WIPF3: variants seen among roughly 807,000 people sequenced by gnomAD.
The protein encoded by WIPF3 is WAS/WASL interacting protein family member 3, also known as WAS/WASL-interacting protein family member 3.
WIPF3 carries 33 observed loss-of-function variants against 38.9 expected under a neutral mutation model. That is an observed-to-expected ratio of 0.85 (90% confidence interval 0.64 to 1.14). WIPF3 has a LOEUF of 1.14. Ranked by LOEUF, WIPF3 falls within the 50% of genes most tolerant of loss-of-function variation. WIPF3 has a pLI of 0.00. For synonymous variants in WIPF3, 324 were observed against 269.3 expected (o/e 1.20, Z -1.99); for missense variants, 711 against 652.5 (o/e 1.09, Z -0.98).
intron 8 of WIPF3, among the ~76,000 whole-genome samples, 165 bp from the exon 9 acceptor site, chr7:29,914,328 C>G (rs1019212716): frequency 6.6e-6 from 1 of 152,174 alleles, no homozygotes; most frequent in Middle Eastern, 3.2e-3. Flanking sequence ...CCCACAGCCC[C>G]TTGGGTAAAA....
chr7:29,877,457 G>A (rs895665190), intron 3 of WIPF3, among the ~76,000 whole-genome samples: 2 of 152,170 alleles, frequency 1.3e-5, no homozygotes, highest in East Asian at 3.8e-4. Flanking sequence ...CAGCTGATCC[G>A]GGTATTCTGG....
At chr7:29,896,276 C>A (rs1350799958) in intron 7 of WIPF3, among the ~76,000 whole-genome samples, 4 of 15,648 alleles carry the variant, frequency 2.6e-4, no homozygotes, top group African/African-American at 4.9e-4. Context: ...GCCTGGGCAA[C>A]AGTGAGATCC....
At chr7:29,830,819 C>A (rs940573495) in intron 1 of WIPF3, among the ~76,000 whole-genome samples, 2 of 152,122 alleles carry the variant, frequency 1.3e-5, no homozygotes, top group African/African-American at 4.8e-5. Flanking sequence ...TCTTAGAAGT[C>A]CCCAGTGCAG....
At chr7:29,843,663 C>T (rs1248656503) in intron 2 of WIPF3, among the ~76,000 whole-genome samples, 3 of 152,200 alleles carry the variant, frequency 2.0e-5, no homozygotes, top group Non-Finnish European at 4.4e-5. Context: ...AACCTTTCCT[C>T]CCTCCACCAG....
At chr7:29,845,989 T>C (rs563858688) in intron 2 of WIPF3, among the ~76,000 whole-genome samples, 1 of 152,318 alleles carries the variant, frequency 6.6e-6, no homozygotes, top group East Asian at 1.9e-4. Flanking sequence ...ACCATCAACA[T>C]TGGACCTGGC....
intron 1 of WIPF3, among the ~76,000 whole-genome samples, chr7:29,831,772 A>G (rs771843270): frequency 1.3e-5 from 2 of 152,174 alleles, no homozygotes; most frequent in Non-Finnish European, 2.9e-5. Context: ...GCTACAGTCA[A>G]TGGGCGGGGA....
At chr7:29,814,025 A>T (rs1277098630) in intron 1 of WIPF3, among the ~76,000 whole-genome samples, 1 of 151,598 alleles carries the variant, frequency 6.6e-6, no homozygotes, top group Non-Finnish European at 1.5e-5. Flanking sequence ...GGCACAGGTG[A>T]TCCTCCTGCC....
At chr7:29,859,418 C>T (rs1250825612) in intron 2 of WIPF3, among the ~76,000 whole-genome samples, 5 of 152,182 alleles carry the variant, frequency 3.3e-5, no homozygotes, top group Non-Finnish European at 7.3e-5. Flanking sequence ...GAGAGCCTTT[C>T]TGTTCTCTAC....
Position 29,884,208 on chromosome 7 carries a change from C to T in WIPF3, c.714C>T (p.Pro238=). ...PPPPPTPPPL[P]PASVLSDKAV... ...CTCCCCCAACGCCACCCCCGCTGCC[C>T]CCGGCCTCGGTTCTTAGTGACAAGG... The change falls in exon 5 of 9, where the codon CCC becomes CCT. Residue 238 remains proline (P), a synonymous_variant. Transcript: ENST00000242140. The T allele has an allele frequency of 6.5e-7, 1 of 1,529,264 alleles. No homozygotes were observed. The highest frequency in any genetic ancestry group is 1.4e-5 in the African/African-American group (1 of 71,592). The allele number at this position is 1,529,264 out of a possible 1,614,324, so 94.7% of individuals were successfully genotyped here.
At chr7:29,839,487 C>T (rs1271298486) in intron 2 of WIPF3, among the ~76,000 whole-genome samples, 1 of 152,174 alleles carries the variant, frequency 6.6e-6, no homozygotes. Flanking sequence ...GGAATGACCT[C>T]CTATCACAAG....
Position 29,873,447 on chromosome 7 carries a change from C to A in WIPF3, c.91-2383C>A, listed in dbSNP as rs1373730906. Among the ~76,000 whole-genome samples the A allele has an allele frequency of 5.3e-5, 8 of 152,134 alleles. No individual in the cohort carries two copies. In the East Asian group the frequency reaches 1.2e-3, roughly 22 times the overall value. On this transcript the variant is annotated intron_variant, in intron 2 of 8. Coordinates refer to ENST00000242140, the MANE Select transcript of WIPF3 (RefSeq NM_001080529.3). Reference sequence around the variant, plus strand: ...CCAAATTCACACAAAAATTTTCATACCCTCTTAGCTACAGTTGTGATATTT... The same window carrying A: ...CCAAATTCACACAAAAATTTTCATAACCTCTTAGCTACAGTTGTGATATTT...
intron 2 of WIPF3, among the ~76,000 whole-genome samples, chr7:29,872,301 G>T (rs1002213082): frequency 6.6e-6 from 1 of 152,166 alleles, no homozygotes; most frequent in African/African-American, 2.4e-5. Flanking sequence ...GCAAATTATG[G>T]TTGAATTGTT....
chr7:29,881,137 T>G (rs1447679175), intron 4 of WIPF3, among the ~76,000 whole-genome samples: 1 of 152,226 alleles, frequency 6.6e-6, no homozygotes, highest in Non-Finnish European at 1.5e-5. Context: ...AAAGTGTCCG[T>G]GAGGTCTTCA....
chr7:29,811,269 G>A (rs932600544), intron 1 of WIPF3, among the ~76,000 whole-genome samples: 3 of 151,844 alleles, frequency 2.0e-5, no homozygotes, highest in African/African-American at 4.8e-5. Flanking sequence ...TGATGATGAT[G>A]ATGATGATGA....
chr7:29,807,455 G>A (rs1784300562), intron 1 of WIPF3, among the ~76,000 whole-genome samples: 1 of 152,216 alleles, frequency 6.6e-6, no homozygotes, highest in African/African-American at 2.4e-5. Flanking sequence ...AAGGTGGCGG[G>A]GAGGGCGGGC....
chr7:29,875,632 TAA>T (rs1785575808), intron 2 of WIPF3, among the ~76,000 whole-genome samples, 196 bp from the exon 3 acceptor site: 1 of 151,998 alleles, frequency 6.6e-6, no homozygotes, highest in South Asian at 2.1e-4. Context: ...TCATCTAAAA[TAA>T]AGAGTCCCTT....
intron 4 of WIPF3, among the ~76,000 whole-genome samples, chr7:29,880,526 G>A (rs189170179): frequency 2.6e-5 from 4 of 152,210 alleles, no homozygotes; most frequent in South Asian, 2.1e-4. Context: ...CAAAATTCCC[G>A]AGTGCTATCA....
chr7:29,881,115 T>C (rs1785707180), intron 4 of WIPF3, among the ~76,000 whole-genome samples: 1 of 152,226 alleles, frequency 6.6e-6, no homozygotes, highest in African/African-American at 2.4e-5. Context: ...TCTGCTCAGG[T>C]GGCAGCTGAT....
intron 1 of WIPF3, among the ~76,000 whole-genome samples, chr7:29,809,396 A>G (rs1784336061): frequency 6.6e-6 from 1 of 152,208 alleles, no homozygotes; most frequent in Non-Finnish European, 1.5e-5. Flanking sequence ...TCTTTAGGCA[A>G]GTTTGCCTTG....
Sources: allele counts gnomAD v4.1 joint callset (sites outside exome capture counted in the v4.1 genomes callset), GRCh38; gene constraint gnomAD v4.1.1; transcripts MANE v1.5; gene names NCBI Gene and HGNC (gene_info 2026-07-23, HGNC 2026-07-21).